Variants in RPGRIP1 observed in about 807,000 individuals in gnomAD.
RPGRIP1 encodes RPGR interacting protein 1.
Under a neutral mutation model 157.9 loss-of-function variants are expected in RPGRIP1, and 128 were observed. The observed-to-expected ratio is 0.81, with a 90% CI of 0.70 to 0.94. The LOEUF (loss-of-function observed/expected upper bound fraction) is 0.94, where lower values mean the gene tolerates loss of function less well. Ranked by LOEUF, RPGRIP1 falls within the 40% of genes least tolerant of loss-of-function variation. RPGRIP1 has a pLI of 0.00. For synonymous variants in RPGRIP1, 554 were observed against 571.6 expected, an observed-to-expected ratio of 0.97 and a Z score of 0.44; for missense variants, 1,486 against 1,545.8, an observed-to-expected ratio of 0.96 and a Z score of 0.65.
intron 10 of RPGRIP1, among the ~76,000 whole-genome samples, chr14:21,317,173 C>G (rs752342345): frequency 6.6e-6 from 1 of 151,904 alleles, no homozygotes; most frequent in African/African-American, 2.4e-5. Flanking sequence ...ATTTTATACT[C>G]AAAATGGGTC....
chr14:21,333,779 C>A (rs1012033859), intron 20 of RPGRIP1, among the ~76,000 whole-genome samples: 1 of 152,036 alleles, frequency 6.6e-6, no homozygotes, highest in Non-Finnish European at 1.5e-5. Context: ...TCACTCCTAC[C>A]GTACTCTTTC....
At chr14:21,328,320 T>C (rs771990609) in intron 18 of RPGRIP1, 104 bp from the exon 19 acceptor site, 39 of 793,068 alleles carry the variant, frequency 4.9e-5, no homozygotes, top group Non-Finnish European at 7.5e-5. Context: ...CTCAGCTCCA[T>C]GAGGAGAGAA....
chr14:21,294,345 C>T (rs1007983679), intron 2 of RPGRIP1, among the ~76,000 whole-genome samples: 1 of 151,808 alleles, frequency 6.6e-6, no homozygotes, highest in African/African-American at 2.4e-5. Context: ...ATTCTCCTGC[C>T]TCAGCCTCCT....
intron 19 of RPGRIP1, among the ~76,000 whole-genome samples, chr14:21,329,233 C>T (rs1321374878): frequency 2.0e-5 from 3 of 151,440 alleles, no homozygotes; most frequent in African/African-American, 4.9e-5. Flanking sequence ...GTAGGAGAAT[C>T]GCTTGAACCC....
intron 7 of RPGRIP1, among the ~76,000 whole-genome samples, chr14:21,309,189 T>A (rs1399999892): frequency 1.3e-5 from 2 of 152,306 alleles, no homozygotes; most frequent in Middle Eastern, 3.4e-3. Flanking sequence ...AAATTATTTT[T>A]AATAACTCCT....
In RPGRIP1 at chr14:21,301,076, G is replaced by T; in HGVS notation, c.329G>T (p.Arg110Leu). Residue 110 changes from arginine (R) to leucine (L), a missense_variant, in exon 4 of 25, where the codon CGG becomes CTG. Transcript: ENST00000400017. ...TARRGQKAGW[R>L]QRLSMHQRPQ... Reference sequence around the variant, plus strand: ...AGGCGCGGGCAGAAGGCGGGATGGCGGCAGCGCCTCTCCATGCACCAGCGC... The same window carrying T: ...AGGCGCGGGCAGAAGGCGGGATGGCTGCAGCGCCTCTCCATGCACCAGCGC... 6.2e-7 allele frequency: 1 copy of T among 1,612,698 alleles called. No homozygotes were observed. The highest frequency in any genetic ancestry group is 8.5e-7 in the Non-Finnish European group (1 of 1,179,448).
At chr14:21,309,906 A>G (rs568040628) in intron 7 of RPGRIP1, among the ~76,000 whole-genome samples, 362 of 149,042 alleles carry the variant, frequency 2.4e-3, no homozygotes, top group Non-Finnish European at 3.6e-3. Context: ...CCTGGCCAAC[A>G]TGGTGAAACC....
At chr14:21,350,123 C>T (rs1483492515) in intron 24 of RPGRIP1, among the ~76,000 whole-genome samples, 2 of 152,114 alleles carry the variant, frequency 1.3e-5, no homozygotes, top group Admixed American at 6.5e-5. Context: ...TGCCTGTAAT[C>T]CCAGCACTTT....
At chr14:21,350,703 G>C (rs184082152) in intron 24 of RPGRIP1, among the ~76,000 whole-genome samples, 37 of 152,326 alleles carry the variant, frequency 2.4e-4, no homozygotes, top group Non-Finnish European at 4.6e-4. Context: ...AAGGGGCTTA[G>C]GGTAGTGCCT....
At chr14:21,314,306 A>C (rs1881671472) in intron 10 of RPGRIP1, among the ~76,000 whole-genome samples, 1 of 151,514 alleles carries the variant, frequency 6.6e-6, no homozygotes, top group Non-Finnish European at 1.5e-5. Flanking sequence ...CTGGTCTCAA[A>C]CTCCTGGGCT....
intron 3 of RPGRIP1, among the ~76,000 whole-genome samples, chr14:21,295,724 C>T (rs1880744505): frequency 6.6e-6 from 1 of 152,054 alleles, no homozygotes; most frequent in African/African-American, 2.4e-5. Context: ...GATCCGCCTG[C>T]CTCGGCCTCC....
At chr14:21,281,704 AAATAATAATAAT>A (rs59116272) in intron 1 of RPGRIP1, among the ~76,000 whole-genome samples, 4 of 133,996 alleles carry the variant, frequency 3.0e-5, no homozygotes, top group Non-Finnish European at 4.6e-5. Flanking sequence ...AAAAAAAAAT[AAATAATAATAAT>A]AATAATAATA....
chr14:21,327,821 A>G lies in RPGRIP1; in HGVS notation c.2895+14A>G. On this transcript the variant is annotated intron_variant, in intron 18 of 24. Coordinates refer to ENST00000400017, the MANE Select transcript of RPGRIP1 (RefSeq NM_020366.4). ...TTTCCTTCCCAGGTAACTCTCCAGG[A>G]CTCCACAGGTAGCAGATCTCTGCCA... 4 of 1,561,254 alleles carry G rather than the reference A, an allele frequency of 2.6e-6. No homozygotes were observed. The South Asian group carries it at 3.6e-5, about 14-fold the overall frequency.
chr14:21,317,119 C>T (rs1212449357), intron 10 of RPGRIP1, among the ~76,000 whole-genome samples: 1 of 124,558 alleles, frequency 8.0e-6, no homozygotes, highest in Non-Finnish European at 1.7e-5. Context: ...GATTCTGTCT[C>T]AAAAAAAAAA....
At chr14:21,328,863 G>T (rs940061523) in intron 19 of RPGRIP1, among the ~76,000 whole-genome samples, 1 of 152,002 alleles carries the variant, frequency 6.6e-6, no homozygotes, top group Non-Finnish European at 1.5e-5. Context: ...ACAAAATGAG[G>T]CCTGGTGCAG....
chr14:21,318,783 T>C (rs17197065), intron 11 of RPGRIP1, among the ~76,000 whole-genome samples: 27,941 of 152,028 alleles, frequency 0.18, 3,078 homozygotes, highest in Non-Finnish European at 0.24. Context: ...CTGAAAGTAT[T>C]GAAAGTGAAT....
chr14:21,315,715 C>G (rs1881757618), intron 10 of RPGRIP1, among the ~76,000 whole-genome samples: 1 of 151,930 alleles, frequency 6.6e-6, no homozygotes, highest in Non-Finnish European at 1.5e-5. Flanking sequence ...ACTCAAAATA[C>G]TATTTTCTTG....
At chr14:21,308,478 A>G (rs4982440) in intron 7 of RPGRIP1, among the ~76,000 whole-genome samples, 82,151 of 152,006 alleles carry the variant, frequency 0.54, 22,265 homozygotes, top group South Asian at 0.62. Flanking sequence ...AGGAGTGAGA[A>G]AACAAGTAAA....
intron 3 of RPGRIP1, among the ~76,000 whole-genome samples, chr14:21,300,705 CTTTTTTTTTTT>C (rs918137131): frequency 4.8e-4 from 35 of 73,508 alleles, no homozygotes; most frequent in Admixed American, 1.8e-3. Flanking sequence ...AGTGGCTCAA[CTTTTTTTTTTT>C]TTTTTTTTTT....
Sources: allele counts gnomAD v4.1 joint callset (sites outside exome capture counted in the v4.1 genomes callset), GRCh38; gene constraint gnomAD v4.1.1; transcripts MANE v1.5; gene names NCBI Gene and HGNC (gene_info 2026-07-23, HGNC 2026-07-21).